Variants in AADACL4 observed in about 807,000 individuals in gnomAD.
AADACL4 encodes arylacetamide deacetylase like 4, also known as arylacetamide deacetylase-like 4.
Under a neutral mutation model 14.1 loss-of-function variants are expected in AADACL4, and 9 were observed. The observed-to-expected ratio is 0.64, with a 90% CI of 0.39 to 1.12. The LOEUF is 1.12. Among genes scored for constraint, AADACL4 ranks in the 50% most tolerant of loss-of-function variants. The pLI is 0.01. For missense variants in AADACL4, 531 were observed against 516.1 expected (o/e 1.03, Z -0.28); for synonymous variants, 188 against 201.6 (o/e 0.93, Z 0.57).
At chr1:12,649,337 C>A (rs1482963957) in intron 1 of AADACL4, among the ~76,000 whole-genome samples, 1 of 152,190 alleles carries the variant, frequency 6.6e-6, no homozygotes, top group Non-Finnish European at 1.5e-5. Context: ...GAGAAGCCCA[C>A]AGTGTGTGGG....
In AADACL4 at chr1:12,666,137, G is replaced by T; in HGVS notation, c.626G>T (p.Arg209Ile). The change falls in exon 4 of 4, where the codon AGA (arginine) becomes ATA (isoleucine). Residue 209 changes from arginine (R) to isoleucine (I), a missense_variant. Physicochemically the swap from Arg to Ile is moderately conservative, Grantham distance 97. Transcript: ENST00000376221. ...VAAITQALVG[R>I]SDLPRIRAQV... ...GCCATCACCCAGGCCTTGGTGGGCA[G>T]ATCAGATCTTCCCCGGATCCGGGCT... The T allele has an allele frequency of 6.2e-7, 1 of 1,614,258 alleles. No homozygotes were observed. Among genetic ancestry groups the T allele is most frequent in the Non-Finnish European group, 8.5e-7 (1 of 1,180,040 alleles).
At chr1:12,646,017 G>A (rs994907131) in intron 1 of AADACL4, among the ~76,000 whole-genome samples, 6 of 152,212 alleles carry the variant, frequency 3.9e-5, no homozygotes, top group Non-Finnish European at 7.3e-5. Flanking sequence ...GGGTGGACCA[G>A]CATGCACCCA....
chr1:12,660,610 G>A (rs1027957907), intron 2 of AADACL4, among the ~76,000 whole-genome samples: 2 of 152,206 alleles, frequency 1.3e-5, no homozygotes, highest in African/African-American at 2.4e-5. Flanking sequence ...TTCATACCCA[G>A]ATCATACCCC....
At chr1:12,663,481 TC>T (rs993528638) in intron 3 of AADACL4, among the ~76,000 whole-genome samples, 3 of 152,098 alleles carry the variant, frequency 2.0e-5, no homozygotes, top group African/African-American at 7.2e-5. Flanking sequence ...TCATGAGGGC[TC>T]CACCCTCATG....
chr1:12,652,717 G>T (rs929075380), intron 2 of AADACL4, among the ~76,000 whole-genome samples: 1 of 151,944 alleles, frequency 6.6e-6, no homozygotes, highest in Admixed American at 6.5e-5. Context: ...TCGGAACTGT[G>T]GTGCCACCCA....
At chr1:12,655,744 G>T (rs192513358) in intron 2 of AADACL4, among the ~76,000 whole-genome samples, 1 of 152,036 alleles carries the variant, frequency 6.6e-6, no homozygotes, top group Admixed American at 6.5e-5. Flanking sequence ...AGCCTTTTCA[G>T]CCCTGTCCCT....
chr1:12,654,605 C>G (rs1210683888), intron 2 of AADACL4, among the ~76,000 whole-genome samples: 1 of 152,112 alleles, frequency 6.6e-6, no homozygotes, highest in African/African-American at 2.4e-5. Flanking sequence ...GAAGTCCCAT[C>G]CCTGTGGGGG....
At chr1:12,658,101 CTCTT>C (rs1283103773) in intron 2 of AADACL4, among the ~76,000 whole-genome samples, 46 of 106,960 alleles carry the variant, frequency 4.3e-4, no homozygotes, top group African/African-American at 1.5e-3. Context: ...CTTTCTTTCT[CTCTT>C]TCTTTCCTTC....
At chr1:12,654,364 G>C (rs920493856) in intron 2 of AADACL4, among the ~76,000 whole-genome samples, 3 of 152,188 alleles carry the variant, frequency 2.0e-5, no homozygotes, top group African/African-American at 7.2e-5. Flanking sequence ...AGAGGATATT[G>C]ATCCTTGTAT....
At chr1:12,654,770 A>C (rs980762422) in intron 2 of AADACL4, among the ~76,000 whole-genome samples, 2 of 152,226 alleles carry the variant, frequency 1.3e-5, no homozygotes, top group African/African-American at 4.8e-5. Context: ...ACAAAGGAAG[A>C]TAGAACAGTT....
At chr1:12,657,140 CAAAAAA>C (rs59777423) in intron 2 of AADACL4, among the ~76,000 whole-genome samples, 3 of 51,104 alleles carry the variant, frequency 5.9e-5, no homozygotes, top group African/African-American at 1.9e-4. Context: ...AAGACTGTCT[CAAAAAA>C]AAAAAAAAAA....
intron 2 of AADACL4, among the ~76,000 whole-genome samples, chr1:12,660,700 G>A (rs1280164126): frequency 6.6e-6 from 1 of 152,084 alleles, no homozygotes; most frequent in African/African-American, 2.4e-5. Context: ...CTGGAGTGCA[G>A]TGGCATGATC....
At chr1:12,653,940 C>A (rs904965295) in intron 2 of AADACL4, among the ~76,000 whole-genome samples, 27 of 152,282 alleles carry the variant, frequency 1.8e-4, no homozygotes, top group African/African-American at 6.3e-4. Flanking sequence ...AGTATCCCCC[C>A]CTTTCTAGCT....
At chr1:12,663,194 C>G (rs1297010080) in intron 3 of AADACL4, among the ~76,000 whole-genome samples, 1 of 152,170 alleles carries the variant, frequency 6.6e-6, no homozygotes, top group East Asian at 1.9e-4. Context: ...GAAGATGGGT[C>G]TTTTGACCTT....
intron 1 of AADACL4, among the ~76,000 whole-genome samples, chr1:12,646,280 C>T (rs943396709): frequency 9.9e-5 from 15 of 152,222 alleles, no homozygotes; most frequent in Non-Finnish European, 2.1e-4. Context: ...CTGTGCGGTC[C>T]TGCACCATTT....
chr1:12,645,998 G>A (rs1036495965), intron 1 of AADACL4, among the ~76,000 whole-genome samples: 11 of 152,138 alleles, frequency 7.2e-5, no homozygotes, highest in African/African-American at 2.7e-4. Flanking sequence ...CTTGGGGATT[G>A]GGGGTTTGGG....
intron 1 of AADACL4, among the ~76,000 whole-genome samples, chr1:12,645,218 TC>T (rs996455177): frequency 7.8e-6 from 1 of 127,800 alleles, no homozygotes; most frequent in Non-Finnish European, 1.7e-5. Flanking sequence ...CCTTCTTCCT[TC>T]CTCCCTATCT....
intron 2 of AADACL4, among the ~76,000 whole-genome samples, chr1:12,654,410 T>C (rs982771742): frequency 6.6e-6 from 1 of 152,252 alleles, no homozygotes; most frequent in Non-Finnish European, 1.5e-5. Context: ...AGATGATCAC[T>C]GACTGAGCAT....
chr1:12,665,273 A>C (rs1384668394), intron 3 of AADACL4, among the ~76,000 whole-genome samples: 1 of 152,062 alleles, frequency 6.6e-6, no homozygotes, highest in Non-Finnish European at 1.5e-5. Context: ...CCCAGGCTGG[A>C]GTGCAGTGGC....
Sources: gnomAD v4.1 joint callset for allele counts (sites outside exome capture counted in the v4.1 genomes callset) on GRCh38, gnomAD v4.1.1 for gene constraint, MANE v1.5 for transcripts, NCBI Gene and HGNC (gene_info 2026-07-23, HGNC 2026-07-21) for gene names.